Variants in MPP3 observed in about 807,000 individuals in gnomAD.
The protein encoded by MPP3 is MAGUK p55 subfamily member 3.
In MPP3, 48 loss-of-function variants were observed where a neutral mutation model predicts 80.7. The ratio of observed to expected loss-of-function variants is 0.59; its 90% CI spans 0.47 to 0.76. The LOEUF (loss-of-function observed/expected upper bound fraction) is 0.76. Among genes scored for constraint, MPP3 ranks in the 30% least tolerant of loss-of-function variants. The pLI is 0.00. For missense variants in MPP3, 620 were observed against 763.0 expected (o/e 0.81, Z 2.21); for synonymous variants, 311 against 297.6 (o/e 1.04, Z -0.46).
chr17:43,831,621 T>G lies in MPP3; in HGVS notation c.82A>C (p.Lys28Gln), dbSNP rs1322085674. 2.2e-5 allele frequency: 36 copies of G among 1,613,744 alleles called. No individual in the cohort carries two copies. Among genetic ancestry groups the G allele is most frequent in the Non-Finnish European group, 2.8e-5 (33 of 1,179,874 alleles). ...TCCCTCAGGAAGCCCATCTCCTCCT[T>G]GTGGTTGGAGTCAGGTCTGAGCTGG... ...TSQLRPDSNHKEEMGFLRDVF... is the reference protein window; with the variant it reads ...TSQLRPDSNHQEEMGFLRDVF... Residue 28 changes from lysine to glutamine, a missense_variant, in exon 4 of 20, where the codon AAG becomes CAG. Transcript: ENST00000398389.
intron 12 of MPP3, among the ~76,000 whole-genome samples, chr17:43,817,234 C>T (rs536520055): frequency 2.0e-5 from 3 of 152,284 alleles, no homozygotes; most frequent in Admixed American, 6.5e-5. Context: ...CCTCTCTGCA[C>T]GGGGCCCTAC....
At chr17:43,808,083 T>A (rs1015941925) in intron 19 of MPP3, among the ~76,000 whole-genome samples, 1 of 152,162 alleles carries the variant, frequency 6.6e-6, no homozygotes, top group Admixed American at 6.5e-5. Context: ...AGTGAGTCCC[T>A]GTCTTTAAAA....
intron 8 of MPP3, among the ~76,000 whole-genome samples, chr17:43,826,207 T>C (rs1469713129): frequency 2.6e-5 from 4 of 152,264 alleles, no homozygotes; most frequent in African/African-American, 4.8e-5. Context: ...TTTAAAATTA[T>C]CATTAACTCT....
chr17:43,831,519 C>T (rs1202957923), intron 4 of MPP3, 40 bp downstream of exon 4: 1 of 1,505,486 alleles, frequency 6.6e-7, no homozygotes, highest in African/African-American at 1.4e-5. Context: ...CTAGAAAGAC[C>T]TCTAGACACC....
chr17:43,811,051 G>A (rs2044833114), intron 17 of MPP3, 61 bp downstream of exon 17: 2 of 1,513,714 alleles, frequency 1.3e-6, no homozygotes, highest in Non-Finnish European at 1.8e-6. Flanking sequence ...AGCTCTAGTG[G>A]AATACAGATA....
rs1488671816 is a variant in MPP3 at position 43,816,133 on chromosome 17, C to A, written c.968-54G>T. ...AGTGAGTCCCACCAGACACATCCGG[C>A]CCAGGGCACCCAGCCCCTGGATGGC... On this transcript the variant is annotated intron_variant, in intron 13 of 19. Transcript: ENST00000398389. 3.5e-6 allele frequency: 5 copies of A among 1,448,240 alleles called. No individual in the cohort carries two copies. The East Asian group carries it at 8.1e-5, about 24-fold the overall frequency. 89.7% of individuals were successfully genotyped at this position (1,448,240 alleles called of 1,614,324 possible). A position where few individuals can be genotyped will look rare whatever the true frequency, so the allele number is the denominator to read the frequency against.
Position 43,810,861 on chromosome 17 carries a change from G to C in MPP3, c.1404C>G (p.Ala468=). The stretch of plus-strand genomic sequence containing the variant: ...TGTTTTTGGCCATAACAGCCTGAAT[G>C]GCCTCCAGGCTGGTTCCATACAGAT... ...KENLYGTSLE[A]IQAVMAKNKV... The change falls in exon 18 of 20, where the codon GCC becomes GCG. Residue 468 remains alanine (A), a synonymous_variant. Coordinates refer to ENST00000398389, the MANE Select transcript of MPP3 (RefSeq NM_001932.6). 6.2e-7 allele frequency: 1 copy of C among 1,611,950 alleles called. No individual in the cohort carries two copies. The highest frequency in any genetic ancestry group is 1.1e-5 in the South Asian group (1 of 90,400).
chr17:43,821,083 G>C (rs1233600104), intron 10 of MPP3, 25 bp from the exon 11 acceptor site: 4 of 1,609,534 alleles, frequency 2.5e-6, no homozygotes, highest in Non-Finnish European at 2.5e-6. Context: ...CTCTGGTGAG[G>C]CGGCCCTTCC....
chr17:43,829,607 G>C, intron 7 of MPP3, 47 bp downstream of exon 7: 2 of 1,603,328 alleles, frequency 1.2e-6, no homozygotes, highest in Non-Finnish European at 1.7e-6. Flanking sequence ...GTGGGGGTGA[G>C]AGGCAGGGGA....
intron 15 of MPP3, 25 bp downstream of exon 15, chr17:43,814,172 C>A (rs1312133129): frequency 1.2e-6 from 2 of 1,609,926 alleles, no homozygotes; most frequent in Non-Finnish European, 1.7e-6. Context: ...CAGATCACTT[C>A]CTGGAAACCC....
At position 43,818,032 on chromosome 17, in the gene MPP3, G is replaced by A; in HGVS notation, c.946+14C>T. 1 of 1,575,890 alleles carries A rather than the reference G, an allele frequency of 6.3e-7. No individual in the cohort carries two copies. Among genetic ancestry groups the A allele is most frequent in the Non-Finnish European group, 8.6e-7 (1 of 1,160,804 alleles). On this transcript the variant is annotated intron_variant, in intron 12 of 19. Transcript: ENST00000398389. ...GGGCCCTCCCTGGAGTGCCATCCCT[G>A]ACAATCTACTCACAGGGGGGCTTCC...
rs945064368 is a variant in MPP3 at position 43,801,220 on chromosome 17, C to CA, written c.*480dup. The stretch of plus-strand genomic sequence containing the variant: ...GTTTTCTATTACCAGGCAAGCACTT[C>CA]AAAAAAAAGGTTAAGATCAACGTTT... On this transcript the variant is annotated 3_prime_UTR_variant, in exon 20 of 20. Coordinates refer to ENST00000398389, the MANE Select transcript of MPP3 (RefSeq NM_001932.6). 7.1e-5 allele frequency: 11 copies of CA among 154,378 alleles called. No homozygotes were observed. Among genetic ancestry groups the CA allele is most frequent in the South Asian group, 2.0e-4 (1 of 4,938 alleles). 9.6% of individuals were successfully genotyped at this position (154,378 alleles called of 1,614,324 possible).
At chr17:43,830,269 G>T (rs1285766928) in intron 5 of MPP3, among the ~76,000 whole-genome samples, 162 bp from the exon 6 acceptor site, 1 of 152,144 alleles carries the variant, frequency 6.6e-6, no homozygotes, top group Non-Finnish European at 1.5e-5. Context: ...CACACCAGGG[G>T]TCAGGAGCAG....
intron 11 of MPP3, 113 bp downstream of exon 11, chr17:43,820,749 G>C (rs567523072): frequency 4.8e-5 from 45 of 935,458 alleles, no homozygotes; most frequent in Admixed American, 3.0e-4. Context: ...TACCTTGGGG[G>C]AACAATGCTC....
chr17:43,807,316 A>G (rs1201931766), intron 19 of MPP3, among the ~76,000 whole-genome samples: 2 of 139,018 alleles, frequency 1.4e-5, no homozygotes, highest in Admixed American at 7.3e-5. Flanking sequence ...TTTTTTCTAC[A>G]TTTTTTTTTT....
At chr17:43,802,471 A>C (rs887983963) in intron 19 of MPP3, among the ~76,000 whole-genome samples, 3 of 152,332 alleles carry the variant, frequency 2.0e-5, no homozygotes, top group Admixed American at 2.0e-4. Flanking sequence ...TTAAGAAAGC[A>C]CTGGACAATT....
intron 11 of MPP3, 58 bp downstream of exon 11, chr17:43,820,804 A>C: frequency 6.5e-7 from 1 of 1,548,836 alleles, no homozygotes; most frequent in Non-Finnish European, 8.9e-7. Flanking sequence ...GGGGTCTGCC[A>C]TGTACCTGTG....
chr17:43,815,579 G>T (rs894804848), intron 14 of MPP3, among the ~76,000 whole-genome samples: 1 of 152,020 alleles, frequency 6.6e-6, no homozygotes, highest in Non-Finnish European at 1.5e-5. Context: ...GCACTCCAGC[G>T]TGAGAGACAG....
chr17:43,817,833 A>T, intron 12 of MPP3: 5 of 388,086 alleles, frequency 1.3e-5, no homozygotes, highest in Non-Finnish European at 1.9e-5. Context: ...ACCCCCCAGC[A>T]TCATCTATGG....
Sources: gnomAD v4.1 joint callset for allele counts (sites outside exome capture counted in the v4.1 genomes callset) on GRCh38, gnomAD v4.1.1 for gene constraint, MANE v1.5 for transcripts, NCBI Gene and HGNC (gene_info 2026-07-23, HGNC 2026-07-21) for gene names.